The following MDGA2 variants were observed in gnomAD, a reference collection of about 807,000 sequenced individuals.
MDGA2 encodes the protein MAM domain-containing glycosylphosphatidylinositol anchor protein 2.
MDGA2 carries 40 observed loss-of-function variants against 117.8 expected under a neutral mutation model. That is an observed-to-expected ratio of 0.34 (90% CI 0.26 to 0.44). The LOEUF (loss-of-function observed/expected upper bound fraction) is 0.44, where lower values mean the gene tolerates loss of function less well. Ranked by LOEUF, MDGA2 falls within the 20% of genes least tolerant of loss-of-function variation. MDGA2 has a pLI of 1.00. For synonymous variants in MDGA2, 452 were observed against 439.0 expected, an observed-to-expected ratio of 1.03 and a Z score of -0.37; for missense variants, 1,123 against 1,250.6, an observed-to-expected ratio of 0.90 and a Z score of 1.54.
chr14:46,907,570 C>A (rs3007112), intron 10 of MDGA2, among the ~76,000 whole-genome samples: 110,509 of 151,962 alleles, frequency 0.73, 41,216 homozygotes, highest in East Asian at 1. Flanking sequence ...TATTTGATTT[C>A]CATATGTATA....
intron 1 of MDGA2, among the ~76,000 whole-genome samples, chr14:47,426,672 TTA>T (rs1175257564): frequency 7.0e-6 from 1 of 142,504 alleles, no homozygotes; most frequent in Non-Finnish European, 1.5e-5. Context: ...ATATCACACA[TTA>T]TATATATCAT....
intron 3 of MDGA2, among the ~76,000 whole-genome samples, chr14:47,215,346 T>A (rs1190867198): frequency 4.6e-5 from 7 of 152,144 alleles, no homozygotes; most frequent in African/African-American, 1.7e-4. Flanking sequence ...AGGATTATAA[T>A]TCAATTTTAG....
At chr14:47,038,023 G>A (rs924840922) in intron 7 of MDGA2, among the ~76,000 whole-genome samples, 4 of 152,184 alleles carry the variant, frequency 2.6e-5, no homozygotes, top group East Asian at 3.9e-4. Context: ...TCTGCCTCCC[G>A]GGTTCAAGTG....
intron 14 of MDGA2, among the ~76,000 whole-genome samples, chr14:46,869,351 CT>C (rs35619816): frequency 0.33 from 39,463 of 118,820 alleles, 4,008 homozygotes; most frequent in South Asian, 0.44. Context: ...CTATGAGATT[CT>C]TTTTTTTTTT....
At chr14:47,601,963 G>GTTT (rs1896656467) in intron 1 of MDGA2, among the ~76,000 whole-genome samples, 1 of 152,128 alleles carries the variant, frequency 6.6e-6, no homozygotes, top group African/African-American at 2.4e-5. Flanking sequence ...TTTTCCTGGA[G>GTTT]TCGCTATGCA....
chr14:46,986,258 C>T (rs1886855641), intron 8 of MDGA2, among the ~76,000 whole-genome samples: 1 of 152,128 alleles, frequency 6.6e-6, no homozygotes, highest in African/African-American at 2.4e-5. Context: ...CTCAATTATG[C>T]ACATATGGAT....
intron 8 of MDGA2, among the ~76,000 whole-genome samples, chr14:46,993,264 G>A (rs2138441756): frequency 6.6e-6 from 1 of 152,064 alleles, no homozygotes; most frequent in East Asian, 1.9e-4. Flanking sequence ...GAAAACACCT[G>A]GAAGCAATTT....
intron 2 of MDGA2, among the ~76,000 whole-genome samples, chr14:47,283,005 T>C (rs1205644143): frequency 4.6e-5 from 7 of 152,206 alleles, no homozygotes; most frequent in Non-Finnish European, 1.0e-4. Flanking sequence ...AAAATGTCTA[T>C]TGTTCAAATG....
At chr14:47,384,015 A>AGATAGATAGATAG (rs1555378184) in intron 1 of MDGA2, among the ~76,000 whole-genome samples, 1 of 109,884 alleles carries the variant, frequency 9.1e-6, no homozygotes, top group African/African-American at 3.5e-5. Flanking sequence ...ATAGATAGAT[A>AGATAGATAGATAG]ATAGATAGAT....
chr14:47,523,844 T>G (rs1329088836), intron 1 of MDGA2, among the ~76,000 whole-genome samples: 7 of 152,236 alleles, frequency 4.6e-5, no homozygotes, highest in African/African-American at 1.7e-4. Context: ...TGAAACGAAA[T>G]GTCCCTATTT....
chr14:47,634,977 T>A (rs1690282188), intron 1 of MDGA2, among the ~76,000 whole-genome samples: 1 of 152,112 alleles, frequency 6.6e-6, no homozygotes, highest in Non-Finnish European at 1.5e-5. Flanking sequence ...GGCAAGTGAC[T>A]TAACATCTCT....
At chr14:47,210,126 AAT>A (rs1390274738) in intron 3 of MDGA2, among the ~76,000 whole-genome samples, 3 of 152,218 alleles carry the variant, frequency 2.0e-5, no homozygotes, top group Non-Finnish European at 4.4e-5. Context: ...ATAAACTGAT[AAT>A]ATGTTATACT....
At chr14:47,474,111 C>T (rs1893786295) in intron 1 of MDGA2, among the ~76,000 whole-genome samples, 1 of 152,180 alleles carries the variant, frequency 6.6e-6, no homozygotes, top group Admixed American at 6.5e-5. Context: ...GCTTCTTAAG[C>T]TGATAAACAA....
rs191753292 is a variant in MDGA2 at position 47,179,875 on chromosome 14, T to C, written c.596-35601A>G. On this transcript the variant is annotated intron_variant, in intron 3 of 16. Coordinates refer to ENST00000399232, the MANE Select transcript of MDGA2 (RefSeq NM_001113498.3). ...CCAGATTATCTTTTTTAGAACTAAA[T>C]TTGGATATTTCCCTAATTTGCCAAT... is the stretch of plus-strand genomic sequence containing the variant. Among the ~76,000 whole-genome samples, 224 of 152,278 alleles carry C rather than the reference T, an allele frequency of 1.5e-3. 1 individual carries two copies. The highest frequency in any genetic ancestry group is 4.8e-3 in the African/African-American group (200 of 41,592).
At chr14:47,200,685 A>G in intron 3 of MDGA2, 3 of 1,031,330 alleles carry the variant, frequency 2.9e-6, no homozygotes, top group Non-Finnish European at 4.4e-6. Context: ...TTCTTCCAGT[A>G]CTGGATCTTG....
chr14:47,538,313 T>C (rs149402952), intron 1 of MDGA2, among the ~76,000 whole-genome samples: 1 of 152,300 alleles, frequency 6.6e-6, no homozygotes, highest in African/African-American at 2.4e-5. Context: ...TGAATTATTT[T>C]TTTTTCTACA....
chr14:47,547,784 A>G (rs1895492460), intron 1 of MDGA2, among the ~76,000 whole-genome samples: 1 of 152,236 alleles, frequency 6.6e-6, no homozygotes, highest in Admixed American at 6.6e-5. Flanking sequence ...GTTAAATTCT[A>G]TAACTGTAAA....
chr14:47,001,383 G>A (rs975787848), intron 8 of MDGA2, among the ~76,000 whole-genome samples: 6 of 151,904 alleles, frequency 3.9e-5, no homozygotes, highest in African/African-American at 1.4e-4. Flanking sequence ...CAACAAAACA[G>A]GATGAAAAGA....
chr14:47,019,105 T>C (rs1888191882), intron 8 of MDGA2, among the ~76,000 whole-genome samples: 1 of 152,212 alleles, frequency 6.6e-6, no homozygotes, highest in African/African-American at 2.4e-5. Context: ...TAAATATTTA[T>C]TGACTGAATT....
Sources: gnomAD v4.1 joint callset for allele counts (sites outside exome capture counted in the v4.1 genomes callset) on GRCh38, gnomAD v4.1.1 for gene constraint, MANE v1.5 for transcripts, NCBI Gene and HGNC (gene_info 2026-07-23, HGNC 2026-07-21) for gene names.